Variants in WWC2 observed in about 807,000 individuals in gnomAD.
The protein encoded by WWC2 is protein WWC2.
A neutral mutation model predicts 138.5 loss-of-function variants in WWC2; 101 were observed. That is an observed-to-expected ratio of 0.73 (90% confidence interval 0.62 to 0.86). The LOEUF is 0.86. Among genes scored for constraint, WWC2 ranks in the 40% least tolerant of loss-of-function variants. The pLI is 0.00. For missense variants in WWC2, 1,420 were observed against 1,419.4 expected (o/e 1.00, Z -0.01); for synonymous variants, 558 against 538.4 (o/e 1.04, Z -0.50).
At chr4:183,208,617 C>T (rs898147394) in intron 3 of WWC2, among the ~76,000 whole-genome samples, 3 of 152,166 alleles carry the variant, frequency 2.0e-5, no homozygotes, top group Admixed American at 2.0e-4. Context: ...GTGATGAGCT[C>T]AGAAGTTCTG....
chr4:183,310,300 G>A (rs1398290752), intron 21 of WWC2, among the ~76,000 whole-genome samples: 3 of 152,064 alleles, frequency 2.0e-5, no homozygotes, highest in Admixed American at 6.6e-5. Context: ...TACATGAGTC[G>A]GGGCAGGGAG....
At chr4:183,157,187 TTTTC>T (rs1349475199) in intron 1 of WWC2, among the ~76,000 whole-genome samples, 1 of 152,216 alleles carries the variant, frequency 6.6e-6, no homozygotes, top group Non-Finnish European at 1.5e-5. Context: ...ATTTTCTCAG[TTTTC>T]TTTATTTTTC....
At chr4:183,175,979 T>C (rs1734457048) in intron 1 of WWC2, among the ~76,000 whole-genome samples, 1 of 152,254 alleles carries the variant, frequency 6.6e-6, no homozygotes, top group South Asian at 2.1e-4. Context: ...TTGCCAGCGT[T>C]CAGCCTCATG....
intron 4 of WWC2, among the ~76,000 whole-genome samples, chr4:183,221,841 G>A (rs1193203380): frequency 6.6e-6 from 1 of 152,134 alleles, no homozygotes; most frequent in Non-Finnish European, 1.5e-5. Flanking sequence ...AAGCGGGTTA[G>A]CGATTTCTTA....
At chr4:183,126,895 A>AT (rs11412789) in intron 1 of WWC2, among the ~76,000 whole-genome samples, 20,034 of 134,266 alleles carry the variant, frequency 0.15, 1,625 homozygotes, top group East Asian at 0.25. Context: ...TGCCCAGCTA[A>AT]TTTTTTTTTT....
intron 1 of WWC2, among the ~76,000 whole-genome samples, chr4:183,115,428 A>T (rs533517156): frequency 1.3e-5 from 2 of 152,310 alleles, no homozygotes; most frequent in African/African-American, 4.8e-5. Context: ...TTCTGTTTTA[A>T]GTTCTTTGAG....
intron 1 of WWC2, among the ~76,000 whole-genome samples, chr4:183,183,618 A>G (rs187270856): frequency 6.6e-6 from 1 of 152,214 alleles, no homozygotes; most frequent in African/African-American, 2.4e-5. Context: ...TCTACAACGG[A>G]AAAAAGACAT....
chr4:183,161,328 G>A (rs533275846), intron 1 of WWC2, among the ~76,000 whole-genome samples: 2 of 152,326 alleles, frequency 1.3e-5, no homozygotes, highest in African/African-American at 2.4e-5. Context: ...TTTAAGGCCT[G>A]TTATCTTAGA....
intron 16 of WWC2, among the ~76,000 whole-genome samples, chr4:183,275,658 G>T (rs1737828688): frequency 6.6e-6 from 1 of 151,992 alleles, no homozygotes; most frequent in Non-Finnish European, 1.5e-5. Flanking sequence ...AATCTCACTT[G>T]GTCATAGTGT....
At chr4:183,264,941 GAC>G (rs1560874828) in intron 11 of WWC2, 35 bp from the exon 12 acceptor site, 2 of 1,580,142 alleles carry the variant, frequency 1.3e-6, no homozygotes, top group Admixed American at 1.8e-5. Flanking sequence ...TTCCAAATAA[GAC>G]ATTCTGATTA....
chr4:183,292,296 C>T (rs1269842502), intron 21 of WWC2, among the ~76,000 whole-genome samples: 1 of 151,794 alleles, frequency 6.6e-6, no homozygotes, highest in Non-Finnish European at 1.5e-5. Context: ...GGCCAGAGTG[C>T]CGAGAGTTTG....
chr4:183,291,133 C>G (rs1357000592), intron 21 of WWC2, among the ~76,000 whole-genome samples: 4 of 152,164 alleles, frequency 2.6e-5, no homozygotes, highest in Non-Finnish European at 5.9e-5. Context: ...AGGCACTGTG[C>G]TGGTTTCATA....
intron 1 of WWC2, among the ~76,000 whole-genome samples, chr4:183,114,486 C>T (rs1732348089): frequency 1.3e-5 from 2 of 152,066 alleles, no homozygotes; most frequent in Non-Finnish European, 2.9e-5. Context: ...CAGGAGACAG[C>T]TCAGAGCTAG....
intron 6 of WWC2, among the ~76,000 whole-genome samples, chr4:183,246,757 G>T (rs913941471): frequency 2.0e-5 from 3 of 152,110 alleles, no homozygotes; most frequent in African/African-American, 7.2e-5. Context: ...GGGTTAACGT[G>T]GTTTTAACAT....
At chr4:183,290,035 C>G (rs1418359314) in intron 21 of WWC2, among the ~76,000 whole-genome samples, 1 of 152,088 alleles carries the variant, frequency 6.6e-6, no homozygotes, top group Non-Finnish European at 1.5e-5. Context: ...TTTGGATTTT[C>G]TATAGATATC....
intron 1 of WWC2, among the ~76,000 whole-genome samples, chr4:183,177,321 A>T (rs1034444130): frequency 4.6e-5 from 7 of 152,228 alleles, no homozygotes; most frequent in African/African-American, 1.7e-4. Flanking sequence ...TCTCAAGGCT[A>T]AGGATCATGC....
At chr4:183,106,357 C>T (rs1274549878) in intron 1 of WWC2, among the ~76,000 whole-genome samples, 2 of 152,150 alleles carry the variant, frequency 1.3e-5, no homozygotes, top group African/African-American at 4.8e-5. Context: ...AATATAGGTT[C>T]ACAATGTTTT....
At chr4:183,129,166 G>A (rs1311230207) in intron 1 of WWC2, among the ~76,000 whole-genome samples, 1 of 152,218 alleles carries the variant, frequency 6.6e-6, no homozygotes, top group African/African-American at 2.4e-5. Context: ...CAGTTACTTG[G>A]AGTTCATTTA....
intron 15 of WWC2, among the ~76,000 whole-genome samples, chr4:183,270,755 C>G (rs1737671374): frequency 6.6e-6 from 1 of 152,146 alleles, no homozygotes; most frequent in African/African-American, 2.4e-5. Context: ...CAGAGCAAGA[C>G]TCCATCTCAA....
Sources: allele counts gnomAD v4.1 joint callset (sites outside exome capture counted in the v4.1 genomes callset), GRCh38; gene constraint gnomAD v4.1.1; transcripts MANE v1.5; gene names NCBI Gene and HGNC (gene_info 2026-07-23, HGNC 2026-07-21).